Variants in FBLN2 observed in about 807,000 individuals in gnomAD.
The protein encoded by FBLN2 is fibulin-2.
A neutral mutation model predicts 123.7 loss-of-function variants in FBLN2; 81 were observed. The ratio of observed to expected loss-of-function variants is 0.65; its 90% CI spans 0.55 to 0.79. The LOEUF (loss-of-function observed/expected upper bound fraction) is 0.79, where lower values mean the gene tolerates loss of function less well. Among genes scored for constraint, FBLN2 ranks in the 30% least tolerant of loss-of-function variants. The pLI is 0.00. For missense variants in FBLN2, 1,603 were observed against 1,681.3 expected (o/e 0.95, Z 0.81); for synonymous variants, 699 against 701.4 (o/e 1.00, Z 0.05).
intron 7 of FBLN2, among the ~76,000 whole-genome samples, 195 bp from the exon 8 acceptor site, chr3:13,619,535 C>T (rs188916841): frequency 8.5e-5 from 13 of 152,356 alleles, no homozygotes; most frequent in East Asian, 5.8e-4. Flanking sequence ...CGACGCCAGA[C>T]GGTGTTGGAG....
intron 5 of FBLN2, among the ~76,000 whole-genome samples, 169 bp from the exon 6 acceptor site, chr3:13,617,907 C>T (rs563638733): frequency 6.6e-6 from 1 of 150,992 alleles, no homozygotes; most frequent in South Asian, 2.1e-4. Flanking sequence ...TCCATCTATC[C>T]ACCCATCCAC....
intron 5 of FBLN2, among the ~76,000 whole-genome samples, chr3:13,614,442 T>G (rs1362747040): frequency 6.6e-6 from 1 of 152,130 alleles, no homozygotes; most frequent in African/African-American, 2.4e-5. Flanking sequence ...CTATACATCT[T>G]CCTCCCTACC....
chr3:13,570,362 C>G lies in FBLN2; in HGVS notation c.7C>G (p.Leu3Val). The change falls in exon 2 of 18, where the codon CTG becomes GTG. Residue 3 changes from leucine to valine, a missense_variant. By Grantham distance (32) the Leu-to-Val change is conservative (BLOSUM62 1). Coordinates refer to ENST00000404922, the MANE Select transcript of FBLN2 (RefSeq NM_001004019.2). ...TCCTGGGCTGGCCTGGACCATGGTG[C>G]TGCTCTGGGAGCCTGCAGGAGCCTG... is the stretch of plus-strand genomic sequence containing the variant. MV[L>V]LWEPAGAWLA... 6.4e-7 allele frequency: 1 copy of G among 1,558,088 alleles called. No individual in the cohort carries two copies. Among genetic ancestry groups the G allele is most frequent in the Non-Finnish European group, 8.7e-7 (1 of 1,150,502 alleles).
In FBLN2 at chr3:13,591,833, G is replaced by A. The variant is rs540441832; in HGVS notation, c.1307-16229G>A. 5.3e-4 allele frequency among the ~76,000 whole-genome samples: 81 copies of A among 152,138 alleles called. No individual in the cohort carries two copies. The South Asian group carries it at 0.017, about 31-fold the overall frequency. On this transcript the variant is annotated intron_variant, in intron 2 of 17. Transcript: ENST00000404922. ...TACCTTACACATTTAGCTCCTTAGT[G>A]CATCTGGAACTTGTTTCTGTGTATG...
At chr3:13,632,284 G>T (rs541223999) in intron 16 of FBLN2, among the ~76,000 whole-genome samples, 18 of 152,326 alleles carry the variant, frequency 1.2e-4, no homozygotes, top group African/African-American at 4.3e-4. Flanking sequence ...TCGGTCCCTT[G>T]GCGCCGCAGA....
chr3:13,587,608 G>A (rs143117161), intron 2 of FBLN2, among the ~76,000 whole-genome samples: 81 of 152,342 alleles, frequency 5.3e-4, no homozygotes, highest in African/African-American at 1.8e-3. Flanking sequence ...TGAAAGACTG[G>A]TTCAGGCCAT....
Position 13,571,269 on chromosome 3 carries a change from A to T in FBLN2, c.914A>T (p.Asp305Val), listed in dbSNP as rs182117325. Reference sequence around the variant, plus strand: ...GCAGCAGGTGGCCACAGGGGGCTGGATGGGCTGCCCACTACAGCCCCAGCT... The same window carrying T: ...GCAGCAGGTGGCCACAGGGGGCTGGTTGGGCTGCCCACTACAGCCCCAGCT... ...QLAAGGHRGL[D>V]GLPTTAPAGP... is the part of the protein sequence containing the mutation. Residue 305 changes from aspartate to valine, a missense_variant, in exon 2 of 18, where the codon GAT becomes GTT. Physicochemically the swap from Asp to Val is radical, Grantham distance 152. Transcript: ENST00000404922. The T allele has an allele frequency of 5.1e-6, 8 of 1,570,130 alleles. No individual in the cohort carries two copies. The Admixed American group carries it at 1.5e-4, about 30-fold the overall frequency.
chr3:13,631,318 C>G lies in FBLN2; in HGVS notation c.3086-11C>G. ...ACGAGGTTCACCAGGGGCTGAACCTCTCTCTGACAGACATCGACGAGTGTG... is the reference window on the plus strand; with the variant it reads ...ACGAGGTTCACCAGGGGCTGAACCTGTCTCTGACAGACATCGACGAGTGTG... On this transcript the variant is annotated splice_polypyrimidine_tract_variant and intron_variant, in intron 15 of 17. Transcript: ENST00000404922. 1 of 1,600,322 alleles carries G rather than the reference C, an allele frequency of 6.2e-7. No individual in the cohort carries two copies. The highest frequency in any genetic ancestry group is 8.5e-7 in the Non-Finnish European group (1 of 1,174,170).
At chr3:13,622,513 G>A (rs1032592663) in intron 9 of FBLN2, among the ~76,000 whole-genome samples, 3 of 152,210 alleles carry the variant, frequency 2.0e-5, no homozygotes, top group African/African-American at 4.8e-5. Context: ...CCAGCTTGGC[G>A]TTCCTTTGCT....
At chr3:13,601,246 C>T (rs1705022909) in intron 2 of FBLN2, among the ~76,000 whole-genome samples, 1 of 152,196 alleles carries the variant, frequency 6.6e-6, no homozygotes, top group Non-Finnish European at 1.5e-5. Flanking sequence ...CTCTGTAAGG[C>T]AATCTTGGAA....
At chr3:13,626,656 C>T in intron 10 of FBLN2, 77 bp downstream of exon 10, 1 of 1,422,862 alleles carries the variant, frequency 7.0e-7, no homozygotes, top group Non-Finnish European at 9.4e-7. Context: ...TGGTCCCACC[C>T]CTGTCCTGCC....
At chr3:13,569,084 C>T (rs58901347) in intron 1 of FBLN2, 54,007 of 984,388 alleles carry the variant, frequency 0.055, 2,754 homozygotes, top group African/African-American at 0.25. Context: ...GAGTCAGGTA[C>T]GGCCACTGGG....
At position 13,627,387 on chromosome 3, in the gene FBLN2, C is replaced by T. The variant is rs189453340; in HGVS notation, c.2432-445C>T. Among the ~76,000 whole-genome samples, 129 of 152,242 alleles carry T rather than the reference C, an allele frequency of 8.5e-4. 1 individual carries two copies. Among genetic ancestry groups the T allele is most frequent in the African/African-American group, 2.8e-3 (118 of 41,542 alleles). On this transcript the variant is annotated intron_variant, in intron 10 of 17. Transcript: ENST00000404922. ...ACCTTACCTTAGAGATTTAGGCACA[C>T]GGTGGGGATATCCCCACTTCCGCCC...
At chr3:13,553,215 G>A (rs568524436) in intron 1 of FBLN2, among the ~76,000 whole-genome samples, 11 of 152,318 alleles carry the variant, frequency 7.2e-5, no homozygotes, top group Admixed American at 4.6e-4. Flanking sequence ...CCTGGTCTGC[G>A]AGCGAGCAAC....
At chr3:13,609,682 G>A in intron 4 of FBLN2, 40 bp downstream of exon 4, 1 of 1,508,720 alleles carries the variant, frequency 6.6e-7, no homozygotes, top group Non-Finnish European at 8.9e-7. Flanking sequence ...GGTGGGGTGG[G>A]GCGGGGCGGG....
At chr3:13,555,645 G>A (rs563707349) in intron 1 of FBLN2, among the ~76,000 whole-genome samples, 2 of 152,082 alleles carry the variant, frequency 1.3e-5, no homozygotes, top group East Asian at 1.9e-4. Flanking sequence ...TAGTAGAGAC[G>A]GAGTTTCACC....
rs9843344 is a variant in FBLN2, at chr3:13,629,036, A to G, written c.2701A>G (p.Thr901Ala). 1,118,054 of 1,612,856 alleles carry G rather than the reference A, an allele frequency of 0.69. 391,778 individuals are homozygous for G. Among genetic ancestry groups the G allele is most frequent in the East Asian group, 0.99 (44,330 of 44,850 alleles). Residue 901 changes from threonine (T) to alanine (A), a missense_variant, in exon 12 of 18, where the codon ACC becomes GCC. By Grantham distance (58) the Thr-to-Ala change is moderately conservative (BLOSUM62 0). Coordinates refer to ENST00000404922, the MANE Select transcript of FBLN2 (RefSeq NM_001004019.2). Reference protein sequence around the residue: ...ARGYHASDDGTKCVDVNECET... With the variant: ...ARGYHASDDGAKCVDVNECET... ...CGGCTACCACGCCAGCGATGATGGGACCAAGTGTGTGGGTAAGGCCAGCCG... is the reference window on the plus strand; with the variant it reads ...CGGCTACCACGCCAGCGATGATGGGGCCAAGTGTGTGGGTAAGGCCAGCCG...
intron 10 of FBLN2, 71 bp from the exon 11 acceptor site, chr3:13,627,761 G>T: frequency 6.7e-7 from 1 of 1,500,884 alleles, no homozygotes; most frequent in Non-Finnish European, 8.9e-7. Flanking sequence ...GCGGGGATGT[G>T]TGGGCAGGGC....
chr3:13,598,008 A>G (rs964326033), intron 2 of FBLN2, among the ~76,000 whole-genome samples: 4 of 152,182 alleles, frequency 2.6e-5, no homozygotes, highest in South Asian at 2.1e-4. Context: ...TGGGGAAGGC[A>G]TTGCTCCCCC....
Sources: gnomAD v4.1 joint callset for allele counts (sites outside exome capture counted in the v4.1 genomes callset) on GRCh38, gnomAD v4.1.1 for gene constraint, MANE v1.5 for transcripts, NCBI Gene and HGNC (gene_info 2026-07-23, HGNC 2026-07-21) for gene names.